Variants in HHATL observed in about 807,000 individuals in gnomAD.
The protein encoded by HHATL is protein-cysteine N-palmitoyltransferase HHAT-like protein.
A neutral mutation model predicts 59.7 loss-of-function variants in HHATL; 49 were observed. The ratio of observed to expected loss-of-function variants is 0.82; its 90% confidence interval spans 0.65 to 1.04. HHATL has a LOEUF of 1.04. Ranked by LOEUF, HHATL falls within the 50% of genes least tolerant of loss-of-function variation. The pLI, the probability that HHATL is intolerant of heterozygous loss-of-function variation, is 0.00. For missense variants in HHATL, 605 were observed against 650.8 expected (o/e 0.93, Z 0.77); for synonymous variants, 238 against 257.3 (o/e 0.93, Z 0.72).
Position 42,699,667 on chromosome 3 carries a change from GAGAAGCTCTCTGTT to G in HHATL, c.174+77_174+90del, listed in dbSNP as rs1575244267. 6.3e-6 allele frequency: 7 copies of G among 1,116,038 alleles called. No homozygotes were observed. In the East Asian group the frequency reaches 1.8e-4, roughly 29 times the overall value. 69.1% of individuals were successfully genotyped at this position (1,116,038 alleles called of 1,614,324 possible). ...CTCAAGCCAGAGGCCCCAGAGCTGTGAGAAGCTCTCTGTTACTTGCCAACATCTGGAACAGCAGA... is the reference window on the plus strand; with the variant it reads ...CTCAAGCCAGAGGCCCCAGAGCTGTGACTTGCCAACATCTGGAACAGCAGA... On this transcript the variant is annotated intron_variant, in intron 3 of 11. Coordinates refer to ENST00000441594, the MANE Select transcript of HHATL (RefSeq NM_020707.4).
In HHATL at chr3:42,699,204, C is replaced by G. The variant is rs188722087; in HGVS notation, c.175-59G>C. The G allele has an allele frequency of 5.8e-6, 7 of 1,214,896 alleles. No individual in the cohort carries two copies. The Admixed American group carries it at 1.2e-4, about 21-fold the overall frequency. The allele number at this position is 1,214,896 out of a possible 1,614,324, so 75.3% of individuals were successfully genotyped here. On this transcript the variant is annotated intron_variant, in intron 3 of 11. Transcript: ENST00000441594. ...GGTGAGGGTGGGAGAGGGGACAGGA[C>G]GAGCTGGAACCTGGGCTGGTCAGAG... is the stretch of plus-strand genomic sequence containing the variant.
In HHATL at chr3:42,693,479, A is replaced by T. The variant is rs1575226496; in HGVS notation, c.1248+138T>A. The T allele has an allele frequency of 1.0e-4, 84 of 825,638 alleles. No homozygotes were observed. In the East Asian group the frequency reaches 2.2e-3, roughly 22 times the overall value. The allele number at this position is 825,638 out of a possible 1,614,324, so 51.1% of individuals were successfully genotyped here. A position where few individuals can be genotyped will look rare whatever the true frequency, so the allele number is the denominator to read the frequency against. The stretch of plus-strand genomic sequence containing the variant: ...GGGGCAGATTCCTACAGAGTGAGCC[A>T]TTGCTCTGACAACTAAGAGGGTGGT... On this transcript the variant is annotated intron_variant, in intron 10 of 11. Transcript: ENST00000441594.
In HHATL at chr3:42,698,357, G is replaced by T. The variant is rs746084786; in HGVS notation, c.484-6C>A. 4 of 1,608,790 alleles carry T rather than the reference G, an allele frequency of 2.5e-6. No individual in the cohort carries two copies. Among genetic ancestry groups the T allele is most frequent in the Admixed American group, 3.3e-5 (2 of 59,934 alleles). ...GTGCCTGTTACAAACCCGCTCTGGA[G>T]GGGGAAAGAACAGGCCACCAGCTCA... On this transcript the variant is annotated splice_region_variant and splice_polypyrimidine_tract_variant and intron_variant, in intron 5 of 11. Transcript: ENST00000441594.
In HHATL at chr3:42,700,843, G is replaced by C; in HGVS notation, c.-13-4C>G. 1 of 1,596,468 alleles carries C rather than the reference G, an allele frequency of 6.3e-7. No individual in the cohort carries two copies. Among genetic ancestry groups the C allele is most frequent in the East Asian group, 2.2e-5 (1 of 44,768 alleles). ...GATGCCCATAGCCTGGACAGGGCTG[G>C]GGAGACAGGTTGGGTGAGGGAATTA... On this transcript the variant is annotated splice_region_variant and splice_polypyrimidine_tract_variant and intron_variant, in intron 1 of 11. Transcript: ENST00000441594.
rs138596367 is a variant in HHATL, at chr3:42,700,080, C to CTGTG, written c.107-259_107-256dup. The stretch of plus-strand genomic sequence containing the variant: ...TGTGTGTGTGTCGGGGTCCAGGTCT[C>CTGTG]TGTGTGTGTGTGTGTGTGTCGGGAT... On this transcript the variant is annotated intron_variant, in intron 2 of 11. Transcript: ENST00000441594. Among the ~76,000 whole-genome samples, 120 of 129,276 alleles carry CTGTG rather than the reference C, an allele frequency of 9.3e-4. 2 individuals are homozygous for CTGTG. Among genetic ancestry groups the CTGTG allele is most frequent in the South Asian group, 1.8e-3 (7 of 3,888 alleles). The allele number at this position is 129,276 out of a possible 152,430, so 84.8% of individuals were successfully genotyped here.
chr3:42,697,906 G>C (rs339688), intron 6 of HHATL, among the ~76,000 whole-genome samples: 1 of 152,104 alleles, frequency 6.6e-6, no homozygotes, highest in Non-Finnish European at 1.5e-5. Flanking sequence ...GGGAACATTC[G>C]TGGCCTGGGA....
chr3:42,697,443 G>A (rs116767540), intron 7 of HHATL, 65 bp downstream of exon 7: 29,794 of 1,532,994 alleles, frequency 0.019, 332 homozygotes, highest in Non-Finnish European at 0.023. Context: ...TGGCACCGTG[G>A]GGGTGCAGAG....
chr3:42,701,062 C>A lies in HHATL; in HGVS notation c.-13-223G>T. On this transcript the variant is annotated intron_variant, in intron 1 of 11. Coordinates refer to ENST00000441594, the MANE Select transcript of HHATL (RefSeq NM_020707.4). This position sits in a 1 kb window ranked among gnomAD's most constrained non-coding sequence, Gnocchi z 5.1. ...CTGCTGCTCTTGCCCCCACCCCACC[C>A]ATCAAGGCTCTTGCCCGCAGAGCCC... The A allele has an allele frequency of 3.8e-6, 2 of 526,896 alleles. No homozygotes were observed. Among genetic ancestry groups the A allele is most frequent in the East Asian group, 3.0e-5 (1 of 33,718 alleles). 32.6% of individuals were successfully genotyped at this position (526,896 alleles called of 1,614,324 possible).
chr3:42,698,065 TTCTA>T (rs1697719575), intron 6 of HHATL, 73 bp downstream of exon 6: 3 of 1,427,788 alleles, frequency 2.1e-6, no homozygotes, highest in Admixed American at 1.7e-5. Context: ...GCTTGGGGAA[TTCTA>T]TCTGAGATGG....
At chr3:42,699,896 G>GC (rs146702487) in intron 2 of HHATL, 71 bp from the exon 3 acceptor site, 1 of 1,330,560 alleles carries the variant, frequency 7.5e-7, no homozygotes, top group East Asian at 2.5e-5. Flanking sequence ...CGTGGACAAG[G>GC]CTGCCCCACC....
intron 7 of HHATL, 62 bp from the exon 8 acceptor site, chr3:42,697,207 C>A: frequency 6.7e-7 from 1 of 1,495,832 alleles, no homozygotes; most frequent in Non-Finnish European, 8.9e-7. Flanking sequence ...CCCATGAAGA[C>A]CCTGTCCCAC....
intron 9 of HHATL, 65 bp from the exon 10 acceptor site, chr3:42,693,883 GAC>G: frequency 7.2e-7 from 1 of 1,380,698 alleles, no homozygotes; most frequent in Non-Finnish European, 1.0e-6. Flanking sequence ...GATGGGAGAG[GAC>G]ACACAACAGG....
At position 42,699,012 on chromosome 3, in the gene HHATL, G is replaced by A. The variant is rs925210012; in HGVS notation, c.288+20C>T. On this transcript the variant is annotated intron_variant, in intron 4 of 11. Transcript: ENST00000441594. ...AGAGGAGCTGGCAGGGAGAGGCTGG[G>A]TGGCCCAGGTCCAGCTCACCTTTGG... 5 of 1,612,908 alleles carry A rather than the reference G, an allele frequency of 3.1e-6. No individual in the cohort carries two copies. The African/African-American group carries it at 5.3e-5, about 17-fold the overall frequency.
chr3:42,697,731 CCTGT>C, intron 6 of HHATL, 52 bp from the exon 7 acceptor site: 1 of 1,575,606 alleles, frequency 6.3e-7, no homozygotes, highest in Non-Finnish European at 8.7e-7. Context: ...CCTGGGGAGC[CCTGT>C]CTGAGGGGGG....
Position 42,700,676 on chromosome 3 carries a change from G to C in HHATL, c.106+45C>G, listed in dbSNP as rs766743533. ...GCTGGTTGGAACCCTGAGGCCTCCAGGGGAAGAAGGGTCCTGTCCACCTGC... is the reference window on the plus strand; with the variant it reads ...GCTGGTTGGAACCCTGAGGCCTCCACGGGAAGAAGGGTCCTGTCCACCTGC... On this transcript the variant is annotated intron_variant, in intron 2 of 11. Transcript: ENST00000441594. 14 of 1,388,618 alleles carry C rather than the reference G, an allele frequency of 1.0e-5. No individual in the cohort carries two copies. The African/African-American group carries it at 2.0e-4, about 20-fold the overall frequency. The allele number at this position is 1,388,618 out of a possible 1,614,324, so 86.0% of individuals were successfully genotyped here.
Position 42,698,793 on chromosome 3 carries a change from G to A in HHATL, c.398C>T (p.Ser133Leu), listed in dbSNP as rs769163062. The A allele has an allele frequency of 1.4e-5, 22 of 1,613,122 alleles. No homozygotes were observed. Among genetic ancestry groups the A allele is most frequent in the East Asian group, 1.1e-4 (5 of 44,886 alleles). Residue 133 changes from serine to leucine, a missense_variant, in exon 5 of 12, where the codon TCG becomes TTG. Physicochemically the swap from Ser to Leu is moderately radical, Grantham distance 145. Transcript: ENST00000441594. ...LGHCVGLYVA[S>L]LLGQPWLCLG... ...ACAGAGCCAGGGCTGGCCCAAAAGC[G>A]AGGCCACATAGAGGCCCACACAGTG...
chr3:42,693,476 G>A, intron 10 of HHATL, 141 bp downstream of exon 10: 2 of 809,462 alleles, frequency 2.5e-6, no homozygotes, highest in Non-Finnish European at 3.9e-6. Context: ...TACAGAGTGA[G>A]CCATTGCTCT....
chr3:42,693,007 AT>A, intron 11 of HHATL, 69 bp downstream of exon 11: 13 of 1,600,472 alleles, frequency 8.1e-6, no homozygotes, highest in Non-Finnish European at 1.1e-5. Flanking sequence ...GATAGGAGGC[AT>A]TTTGGAAGGT....
intron 2 of HHATL, 147 bp from the exon 3 acceptor site, chr3:42,699,972 TTCTGGGTCTCGCTGTGTG>T: frequency 3.1e-6 from 2 of 650,544 alleles, no homozygotes; most frequent in Non-Finnish European, 5.5e-6. Flanking sequence ...ATCTGCTTCT[TTCTGGGTCTCGCTGTGTG>T]TCTGGGTCCA....
Sources: gnomAD v4.1 joint callset for allele counts (sites outside exome capture counted in the v4.1 genomes callset) on GRCh38, gnomAD v4.1.1 for gene constraint, Gnocchi (gnomAD v3.1) non-coding constraint, MANE v1.5 for transcripts, NCBI Gene and HGNC (gene_info 2026-07-23, HGNC 2026-07-21) for gene names.